FAF1: variants seen among roughly 807,000 people sequenced by gnomAD.
FAF1 encodes the protein FAS-associated factor 1.
In FAF1, 25 loss-of-function variants were observed where a neutral mutation model predicts 92.5. The observed-to-expected ratio is 0.27, with a 90% CI of 0.20 to 0.38. FAF1 has a LOEUF of 0.38. Ranked by LOEUF, FAF1 falls within the 10% of genes least tolerant of loss-of-function variation. The pLI, the probability that FAF1 is intolerant of heterozygous loss-of-function variation, is 1.00. For synonymous variants in FAF1, 234 were observed against 273.2 expected (o/e 0.86, Z 1.42); for missense variants, 636 against 793.3 (o/e 0.80, Z 2.38).
At chr1:50,689,225 T>C (rs976933617) in intron 7 of FAF1, among the ~76,000 whole-genome samples, 2 of 152,194 alleles carry the variant, frequency 1.3e-5, no homozygotes, top group African/African-American at 4.8e-5. Context: ...GAAAAAATCA[T>C]ATATATGATA....
At chr1:50,600,541 A>T (rs1174658103) in intron 8 of FAF1, among the ~76,000 whole-genome samples, 2 of 151,984 alleles carry the variant, frequency 1.3e-5, no homozygotes, top group African/African-American at 2.4e-5. Flanking sequence ...AAATTAAAAT[A>T]AAAAAAATAA....
chr1:50,729,400 G>T (rs77177523), intron 6 of FAF1, among the ~76,000 whole-genome samples: 8 of 151,120 alleles, frequency 5.3e-5, no homozygotes, highest in Non-Finnish European at 1.2e-4. Context: ...AAATGTACCC[G>T]TATTTTTTCT....
intron 6 of FAF1, among the ~76,000 whole-genome samples, chr1:50,718,142 C>A (rs868067833): frequency 2.0e-4 from 31 of 152,210 alleles, no homozygotes; most frequent in African/African-American, 7.0e-4. Context: ...GCTTCAGCCT[C>A]CCAAGTAGCT....
intron 7 of FAF1, 148 bp downstream of exon 7, chr1:50,705,638 T>A (rs1412898497): frequency 1.8e-6 from 1 of 541,996 alleles, no homozygotes; most frequent in Non-Finnish European, 3.3e-6. Context: ...TCTACAGTAA[T>A]CATTGATGCT....
chr1:50,706,872 A>G (rs1277547184), intron 6 of FAF1, among the ~76,000 whole-genome samples: 1 of 152,156 alleles, frequency 6.6e-6, no homozygotes, highest in Non-Finnish European at 1.5e-5. Context: ...GCCCATCTGT[A>G]ACTATGTGAC....
Position 50,440,946 on chromosome 1 carries a change from G to A in FAF1, c.*494C>T, listed in dbSNP as rs1557945977. Reference sequence around the variant, plus strand: ...AAATGGTATACTTTTTTCCTACAATGTTTAATCTCCATGCCGACAATGTCT... The same window carrying A: ...AAATGGTATACTTTTTTCCTACAATATTTAATCTCCATGCCGACAATGTCT... On this transcript the variant is annotated 3_prime_UTR_variant, in exon 19 of 19. Transcript: ENST00000396153. The A allele has an allele frequency of 6.6e-6, 1 of 152,496 alleles. No individual in the cohort carries two copies. The highest frequency in any genetic ancestry group is 1.5e-5 in the Non-Finnish European group (1 of 68,272). 9.4% of individuals were successfully genotyped at this position (152,496 alleles called of 1,614,324 possible). A position where few individuals can be genotyped will look rare whatever the true frequency, so the allele number is the denominator to read the frequency against.
chr1:50,631,098 C>T (rs545103695), intron 8 of FAF1, among the ~76,000 whole-genome samples: 1 of 151,952 alleles, frequency 6.6e-6, no homozygotes, highest in Admixed American at 6.6e-5. Flanking sequence ...CCTCTATTTT[C>T]ATTCTCCTAC....
chr1:50,660,989 A>G (rs1655345713), intron 7 of FAF1, among the ~76,000 whole-genome samples: 1 of 152,204 alleles, frequency 6.6e-6, no homozygotes, highest in Non-Finnish European at 1.5e-5. Context: ...CTAAACATAT[A>G]CAAGACAAGG....
intron 9 of FAF1, 49 bp downstream of exon 9, chr1:50,596,072 G>A: frequency 8.1e-7 from 1 of 1,237,232 alleles, no homozygotes; most frequent in Non-Finnish European, 1.2e-6. Flanking sequence ...TGCGCAGGTA[G>A]GTGGGGGATG....
At chr1:50,825,907 C>A (rs1282254609) in intron 2 of FAF1, among the ~76,000 whole-genome samples, 1 of 151,898 alleles carries the variant, frequency 6.6e-6, no homozygotes. Context: ...AAGCAGTATA[C>A]CTCAAAATAA....
intron 7 of FAF1, among the ~76,000 whole-genome samples, chr1:50,657,760 G>C (rs1471477766): frequency 1.3e-5 from 2 of 152,106 alleles, no homozygotes; most frequent in Admixed American, 6.5e-5. Context: ...CTACGGAAAG[G>C]AGAAACAAAA....
intron 9 of FAF1, among the ~76,000 whole-genome samples, chr1:50,595,686 G>A (rs1467402216): frequency 6.6e-6 from 1 of 151,964 alleles, no homozygotes; most frequent in East Asian, 1.9e-4. Flanking sequence ...GGGATTATAG[G>A]TGTCTGCCAC....
At chr1:50,504,024 G>T (rs1276220901) in intron 15 of FAF1, among the ~76,000 whole-genome samples, 1 of 152,184 alleles carries the variant, frequency 6.6e-6, no homozygotes, top group African/African-American at 2.4e-5. Flanking sequence ...TTACATAGGT[G>T]TGGTTTATTG....
chr1:50,620,802 T>C (rs1050720753), intron 8 of FAF1, among the ~76,000 whole-genome samples: 1 of 152,266 alleles, frequency 6.6e-6, no homozygotes, highest in Admixed American at 6.5e-5. Context: ...TCCAGCCACA[T>C]AGATCTTTTG....
At chr1:50,887,391 T>C (rs994618724) in intron 1 of FAF1, among the ~76,000 whole-genome samples, 4 of 152,220 alleles carry the variant, frequency 2.6e-5, no homozygotes, top group Non-Finnish European at 5.9e-5. Context: ...TTAGATCCCA[T>C]TTGTCAATTT....
intron 1 of FAF1, among the ~76,000 whole-genome samples, chr1:50,944,323 CAG>C (rs1645157452): frequency 6.6e-6 from 1 of 152,124 alleles, no homozygotes; most frequent in African/African-American, 2.4e-5. Flanking sequence ...GGAGCTGCAC[CAG>C]AGTGTTTTCT....
rs1220178951 is a variant in FAF1, at chr1:50,624,414, T to C, written c.745-28198A>G. Among the ~76,000 whole-genome samples the C allele has an allele frequency of 2.0e-5, 3 of 152,344 alleles. No homozygotes were observed. The East Asian group carries it at 5.8e-4, about 29-fold the overall frequency. On this transcript the variant is annotated intron_variant, in intron 8 of 18. Transcript: ENST00000396153. ...TGCCCGCCTCGGCCTCCCAAAGTGC[T>C]GGGATTACATGCGTGAGCCACCGCG... is the stretch of plus-strand genomic sequence containing the variant.
At position 50,742,481 on chromosome 1, in the gene FAF1, T is replaced by C. The variant is rs112414817; in HGVS notation, c.459+2203A>G. 3.0e-3 allele frequency among the ~76,000 whole-genome samples: 461 copies of C among 152,234 alleles called. 4 individuals carry two copies. Among genetic ancestry groups the C allele is most frequent in the African/African-American group, 0.01 (435 of 41,532 alleles). The stretch of plus-strand genomic sequence containing the variant: ...TCACTGCAACCTCCACCTCCCAGGT[T>C]CAAGCGATTCTTGTGCCTCAGCCTC... On this transcript the variant is annotated intron_variant, in intron 5 of 18. Coordinates refer to ENST00000396153, the MANE Select transcript of FAF1 (RefSeq NM_007051.3).
At chr1:50,736,434 T>A (rs541197809) in intron 6 of FAF1, among the ~76,000 whole-genome samples, 3 of 152,332 alleles carry the variant, frequency 2.0e-5, no homozygotes, top group Admixed American at 2.0e-4. Flanking sequence ...GGATATTGTT[T>A]GTTTGATTCT....
Sources: gnomAD v4.1 joint callset for allele counts (sites outside exome capture counted in the v4.1 genomes callset) on GRCh38, gnomAD v4.1.1 for gene constraint, MANE v1.5 for transcripts, NCBI Gene and HGNC (gene_info 2026-07-23, HGNC 2026-07-21) for gene names.